HDX: variants seen among roughly 807,000 people sequenced by gnomAD.
HDX encodes the protein highly divergent homeobox.
HDX carries 19 observed loss-of-function variants against 45.2 expected under a neutral mutation model. The ratio of observed to expected loss-of-function variants is 0.42; its 90% CI spans 0.29 to 0.62. HDX has a LOEUF of 0.62. HDX is among the 20% of genes least tolerant of loss of function. The pLI, the probability that HDX is intolerant of heterozygous loss-of-function variation, is 0.20. For missense variants in HDX, 532 were observed against 493.9 expected (o/e 1.08, Z -0.73); for synonymous variants, 188 against 172.8 (o/e 1.09, Z -0.69).
chrX:84,499,473 A>C (rs1322135654), intron 1 of HDX, among the ~76,000 whole-genome samples: 3 of 111,857 alleles, frequency 2.7e-5, no homozygotes, highest in Admixed American at 9.5e-5. Context: ...AATGTCTAGG[A>C]AAGTCTCAAT....
intron 5 of HDX, chrX:84,440,326 A>G (rs773616905): frequency 5.9e-6 from 2 of 337,446 alleles, no homozygotes; most frequent in Middle Eastern, 8.0e-4. Context: ...CATGGATTAT[A>G]TGGTGTGCTG....
In HDX at chrX:84,321,150, T is replaced by C. The variant is rs1256137761; in HGVS notation, c.*739A>G. ...GGAATGTCAATCGTATCAATACTTG[T>C]CATTTGTAGTAATGAAGAATCCCCA... On this transcript the variant is annotated 3_prime_UTR_variant, in exon 11 of 11. Transcript: ENST00000373177. The C allele has an allele frequency of 9.0e-6, 1 of 111,234 alleles. No homozygotes were observed. The highest frequency in any genetic ancestry group is 1.9e-5 in the Non-Finnish European group (1 of 52,578). The allele number at this position is 111,234 out of a possible 1,213,427, so 9.2% of individuals were successfully genotyped here.
intron 6 of HDX, among the ~76,000 whole-genome samples, chrX:84,351,010 G>GCTATCTATCTATCTAT (rs199956764): frequency 9.4e-6 from 1 of 105,938 alleles, no homozygotes; most frequent in African/African-American, 3.5e-5. Flanking sequence ...ATTGATCCAG[G>GCTATCTATCTATCTAT]CTATCTATCT....
intron 8 of HDX, among the ~76,000 whole-genome samples, chrX:84,334,650 T>A (rs758920999): frequency 2.4e-5 from 2 of 83,139 alleles, no homozygotes; most frequent in Admixed American, 3.3e-4. Flanking sequence ...TCTCTAATCA[T>A]GTGATTTTTT....
chrX:84,383,116 C>G (rs1386542757), intron 5 of HDX, among the ~76,000 whole-genome samples: 3 of 111,197 alleles, frequency 2.7e-5, no homozygotes, highest in African/African-American at 9.8e-5. Flanking sequence ...TAGCATTCTT[C>G]TTAATCCTGG....
At chrX:84,336,659 T>C (rs1253391990) in intron 8 of HDX, 142 bp downstream of exon 8, 3 of 443,024 alleles carry the variant, frequency 6.8e-6, no homozygotes, top group South Asian at 3.8e-5. Context: ...ATCAAAGATA[T>C]GTAATTTCAT....
intron 5 of HDX, among the ~76,000 whole-genome samples, chrX:84,418,021 G>A (rs1229976852): frequency 8.9e-6 from 1 of 111,837 alleles, no homozygotes; most frequent in Non-Finnish European, 1.9e-5. Flanking sequence ...ACTATATTAT[G>A]GGTTTCTGAA....
intron 5 of HDX, among the ~76,000 whole-genome samples, chrX:84,369,455 A>G (rs183719396): frequency 1.7e-4 from 19 of 112,150 alleles, no homozygotes; most frequent in Non-Finnish European, 2.4e-4. Context: ...GTTGGATCAT[A>G]GGGTAATTCT....
intron 4 of HDX, among the ~76,000 whole-genome samples, chrX:84,453,610 T>C (rs1272430588): frequency 8.9e-6 from 1 of 111,945 alleles, no homozygotes; most frequent in African/African-American, 3.3e-5. Flanking sequence ...CTAAAGTGCT[T>C]TGCAGTAGTA....
At chrX:84,382,929 G>A (rs1039821284) in intron 5 of HDX, among the ~76,000 whole-genome samples, 5 of 110,956 alleles carry the variant, frequency 4.5e-5, no homozygotes, top group Non-Finnish European at 9.5e-5. Context: ...CTTATTTCAC[G>A]TTGCATGCCT....
chrX:84,373,878 T>A (rs2037968073), intron 5 of HDX, among the ~76,000 whole-genome samples: 1 of 110,446 alleles, frequency 9.1e-6, no homozygotes. Flanking sequence ...TCACCACTCC[T>A]ATTCAACATA....
intron 5 of HDX, among the ~76,000 whole-genome samples, chrX:84,416,784 T>C (rs911374854): frequency 1.8e-5 from 2 of 111,727 alleles, no homozygotes; most frequent in Non-Finnish European, 3.8e-5. Context: ...CCAAATGTCA[T>C]ATCATTTCAA....
At chrX:84,338,137 G>T (rs2147785995) in intron 7 of HDX, among the ~76,000 whole-genome samples, 1 of 110,998 alleles carries the variant, frequency 9.0e-6, no homozygotes, top group Non-Finnish European at 1.9e-5. Flanking sequence ...TTCATGGAAA[G>T]AAATATAGGG....
At chrX:84,353,284 C>A (rs2037401705) in intron 6 of HDX, among the ~76,000 whole-genome samples, 1 of 111,096 alleles carries the variant, frequency 9.0e-6, no homozygotes, top group Admixed American at 9.6e-5. Flanking sequence ...TATTTGTCTC[C>A]CCTACTCCAA....
intron 4 of HDX, among the ~76,000 whole-genome samples, chrX:84,441,987 A>G (rs1477870334): frequency 2.7e-5 from 3 of 111,321 alleles, no homozygotes; most frequent in African/African-American, 9.8e-5. Flanking sequence ...CAGCATTGCT[A>G]CACAGGTAGA....
chrX:84,331,073 A>G (rs2036833283), intron 9 of HDX, among the ~76,000 whole-genome samples: 5 of 111,595 alleles, frequency 4.5e-5, no homozygotes, highest in Admixed American at 1.9e-4. Context: ...CAGTTTCCAC[A>G]TTGACCAGAG....
chrX:84,400,735 G>A (rs1237593803), intron 5 of HDX, among the ~76,000 whole-genome samples: 2 of 111,136 alleles, frequency 1.8e-5, no homozygotes, highest in African/African-American at 3.3e-5. Context: ...AAAAGAGCTC[G>A]TACAGCCAAG....
At chrX:84,418,363 T>C (rs2039163656) in intron 5 of HDX, among the ~76,000 whole-genome samples, 1 of 111,409 alleles carries the variant, frequency 9.0e-6, no homozygotes, top group African/African-American at 3.3e-5. Flanking sequence ...ACTGGGAAAA[T>C]AATGCGTGAA....
chrX:84,353,546 A>T (rs758511968), intron 6 of HDX, among the ~76,000 whole-genome samples: 4 of 111,604 alleles, frequency 3.6e-5, no homozygotes, highest in African/African-American at 1.3e-4. Flanking sequence ...ACAATTAAGA[A>T]TAAATTTCTG....
Sources: gnomAD v4.1 joint callset for allele counts (sites outside exome capture counted in the v4.1 genomes callset) on GRCh38, gnomAD v4.1.1 for gene constraint, MANE v1.5 for transcripts, NCBI Gene and HGNC (gene_info 2026-07-23, HGNC 2026-07-21) for gene names.